The following SEPTIN6 variants were observed in gnomAD, a reference collection of about 807,000 sequenced individuals.
SEPTIN6 encodes the protein septin-6.
A neutral mutation model predicts 33.6 loss-of-function variants in SEPTIN6; 8 were observed. The ratio of observed to expected loss-of-function variants is 0.24; its 90% CI spans 0.14 to 0.43. SEPTIN6 has a LOEUF of 0.43. Ranked by LOEUF, SEPTIN6 falls within the 20% of genes least tolerant of loss-of-function variation. The pLI is 1.00. For synonymous variants in SEPTIN6, 131 were observed against 140.0 expected, an observed-to-expected ratio of 0.94 and a Z score of 0.45; for missense variants, 250 against 340.8, an observed-to-expected ratio of 0.73 and a Z score of 2.10.
At chrX:119,687,705 A>G (rs2055083810) in intron 1 of SEPTIN6, among the ~76,000 whole-genome samples, 1 of 112,379 alleles carries the variant, frequency 8.9e-6, no homozygotes, top group Non-Finnish European at 1.9e-5. Flanking sequence ...CAGAGGACTT[A>G]TCTTCCTAAT....
At position 119,663,569 on chromosome X, in the gene SEPTIN6, G is replaced by T. The variant is rs200932703; in HGVS notation, c.254C>A (p.Thr85Asn). The change falls in exon 3 of 11, where the codon ACC becomes AAC. Residue 85 changes from threonine (T) to asparagine (N), a missense_variant. By Grantham distance (65) the Thr-to-Asn change is moderately conservative. Transcript: ENST00000394610. ...TQPGVQLQSN[T>N]YDLQESNVRL... ...CACGTTGCTCTCTTGGAGGTCATAG[G>T]TATTAGACTGGAGCTGGACACCCGG... is the stretch of plus-strand genomic sequence containing the variant. 2.5e-6 allele frequency: 3 copies of T among 1,207,511 alleles called. No homozygotes were observed. The highest frequency in any genetic ancestry group is 1.1e-6 in the Non-Finnish European group (1 of 894,107).
chrX:119,676,132 A>G (rs1569441673), intron 1 of SEPTIN6, among the ~76,000 whole-genome samples: 1 of 112,159 alleles, frequency 8.9e-6, no homozygotes, highest in East Asian at 2.8e-4. Context: ...TAGTATATGC[A>G]GAAGTATTCA....
At chrX:119,687,145 A>T (rs1184999197) in intron 1 of SEPTIN6, among the ~76,000 whole-genome samples, 1 of 111,813 alleles carries the variant, frequency 8.9e-6, no homozygotes, top group African/African-American at 3.2e-5. Context: ...AATCATACAG[A>T]TGGAAGCATT....
At chrX:119,627,862 C>T (rs1192592200) in intron 9 of SEPTIN6, among the ~76,000 whole-genome samples, 1 of 84,965 alleles carries the variant, frequency 1.2e-5, no homozygotes, top group Non-Finnish European at 2.1e-5. Flanking sequence ...TGCAATGGTG[C>T]TATCTTAGCT....
intron 7 of SEPTIN6, among the ~76,000 whole-genome samples, chrX:119,636,590 AAC>A (rs1334918723): frequency 2.7e-5 from 3 of 111,352 alleles, no homozygotes; most frequent in Non-Finnish European, 5.7e-5. Context: ...ATGGGTAAAG[AAC>A]AGACTAGAAA....
chrX:119,618,165 ATTTTTTTTT>A lies in SEPTIN6; in HGVS notation c.*1919_*1927del, dbSNP rs57766875. The stretch of plus-strand genomic sequence containing the variant: ...AGCTACTGGCTGAGTATCTGAGCAG[ATTTTTTTTT>A]TTTTTTTTTTGGTCGTTGGTTTGTT... On this transcript the variant is annotated 3_prime_UTR_variant, in exon 11 of 11. Transcript: ENST00000394610. 7 of 686,891 alleles carry A rather than the reference ATTTTTTTTT, an allele frequency of 1.0e-5. No homozygotes were observed. The highest frequency in any genetic ancestry group is 2.9e-5 in the African/African-American group (1 of 34,034). 56.6% of individuals were successfully genotyped at this position (686,891 alleles called of 1,213,427 possible). A position where few individuals can be genotyped will look rare whatever the true frequency, so the allele number is the denominator to read the frequency against.
intron 3 of SEPTIN6, among the ~76,000 whole-genome samples, chrX:119,654,307 C>T (rs1328277177): frequency 9.0e-6 from 1 of 110,968 alleles, no homozygotes; most frequent in Non-Finnish European, 1.9e-5. Flanking sequence ...TCCCCTCCCA[C>T]GTCATCCCCG....
chrX:119,676,451 C>A (rs184970955), intron 1 of SEPTIN6, among the ~76,000 whole-genome samples: 2 of 91,317 alleles, frequency 2.2e-5, no homozygotes, highest in African/African-American at 9.6e-5. Context: ...GCAATAAGAG[C>A]GAAACTCTGT....
At chrX:119,680,068 T>G (rs1053596561) in intron 1 of SEPTIN6, among the ~76,000 whole-genome samples, 3 of 110,843 alleles carry the variant, frequency 2.7e-5, no homozygotes, top group African/African-American at 9.8e-5. Context: ...AAAATTACAT[T>G]TATCAGATTT....
At chrX:119,684,633 G>C (rs1006919527) in intron 1 of SEPTIN6, among the ~76,000 whole-genome samples, 1 of 109,420 alleles carries the variant, frequency 9.1e-6, no homozygotes, top group African/African-American at 3.3e-5. Context: ...TGGGATTACA[G>C]GCGCCCACCA....
chrX:119,666,987 T>C (rs1479228575), intron 2 of SEPTIN6, among the ~76,000 whole-genome samples: 2 of 111,147 alleles, frequency 1.8e-5, no homozygotes, highest in Non-Finnish European at 3.8e-5. Flanking sequence ...AGGTTTGAGC[T>C]ACAGTTTAGC....
chrX:119,638,704 T>G (rs1482380340), intron 6 of SEPTIN6, among the ~76,000 whole-genome samples: 2 of 111,660 alleles, frequency 1.8e-5, no homozygotes, highest in Non-Finnish European at 3.8e-5. Flanking sequence ...AGGCTAATAT[T>G]AAAGATGACA....
intron 10 of SEPTIN6, among the ~76,000 whole-genome samples, chrX:119,620,479 C>A (rs1466203230): frequency 3.7e-5 from 4 of 109,164 alleles, no homozygotes; most frequent in Non-Finnish European, 7.6e-5. Context: ...CCGCCACACC[C>A]GGCTAATTTT....
At chrX:119,662,781 T>A (rs2054571210) in intron 3 of SEPTIN6, among the ~76,000 whole-genome samples, 1 of 112,642 alleles carries the variant, frequency 8.9e-6, no homozygotes, top group African/African-American at 3.2e-5. Flanking sequence ...CTGTGCAATC[T>A]TCATTAGCTT....
At chrX:119,660,690 A>G (rs1414429642) in intron 3 of SEPTIN6, among the ~76,000 whole-genome samples, 2 of 110,736 alleles carry the variant, frequency 1.8e-5, no homozygotes, top group East Asian at 2.8e-4. Context: ...CCAAAGTTTA[A>G]TTTATTCTCA....
intron 3 of SEPTIN6, among the ~76,000 whole-genome samples, chrX:119,655,009 AT>A (rs34423750): frequency 1.8e-5 from 2 of 110,102 alleles, no homozygotes; most frequent in Non-Finnish European, 3.8e-5. Context: ...GCACTGCTTC[AT>A]TTTTTTTCTC....
chrX:119,653,853 T>C (rs1372935855), intron 3 of SEPTIN6, among the ~76,000 whole-genome samples: 1 of 111,645 alleles, frequency 9.0e-6, no homozygotes, highest in African/African-American at 3.3e-5. Context: ...GCGGATCTTC[T>C]GAGCTCAGGA....
chrX:119,637,593 T>TATC (rs2054085479), intron 6 of SEPTIN6, among the ~76,000 whole-genome samples: 2 of 74,580 alleles, frequency 2.7e-5, no homozygotes, highest in African/African-American at 1.1e-4. Context: ...ATCCATCCAC[T>TATC]CATCCATCCA....
intron 2 of SEPTIN6, among the ~76,000 whole-genome samples, chrX:119,664,693 T>C (rs137981143): frequency 1.9e-5 from 2 of 107,682 alleles, no homozygotes; most frequent in East Asian, 5.9e-4. Context: ...ATACACAATT[T>C]AGCCAGGCAT....
Sources: allele counts gnomAD v4.1 joint callset (sites outside exome capture counted in the v4.1 genomes callset), GRCh38; gene constraint gnomAD v4.1.1; transcripts MANE v1.5; gene names NCBI Gene and HGNC (gene_info 2026-07-23, HGNC 2026-07-21).